Variants in ERCC3 observed in about 807,000 individuals in gnomAD.
ERCC3 encodes the protein ERCC excision repair 3, TFIIH core complex helicase subunit, also known as general transcription and DNA repair factor IIH helicase/translocase subunit XPB.
A neutral mutation model predicts 94.2 loss-of-function variants in ERCC3; 66 were observed. The ratio of observed to expected loss-of-function variants is 0.70; its 90% CI spans 0.57 to 0.86. ERCC3 has a LOEUF of 0.86. ERCC3 is among the 40% of genes least tolerant of loss of function. The probability of loss-of-function intolerance (pLI) is 0.00; values close to 1 mark genes in which losing one functional copy is unlikely to be tolerated. For synonymous variants in ERCC3, 349 were observed against 369.1 expected (o/e 0.95, Z 0.63); for missense variants, 829 against 987.1 (o/e 0.84, Z 2.15).
chr2:127,281,014 G>A (rs1684891381), intron 8 of ERCC3: 3 of 436,328 alleles, frequency 6.9e-6, no homozygotes, highest in Non-Finnish European at 4.0e-6. Context: ...AGGGTGAAAT[G>A]AGCTTAAGGA....
At position 127,271,732 on chromosome 2, in the gene ERCC3, G is replaced by A. The variant is rs116830331; in HGVS notation, c.1828-279C>T. The stretch of plus-strand genomic sequence containing the variant: ...CAGTGCTGGGTGCCAGGAGCCCAGA[G>A]ATGAGAGGGCCCTTGAACAGAGACT... On this transcript the variant is annotated intron_variant, in intron 11 of 14. Coordinates refer to ENST00000285398, the MANE Select transcript of ERCC3 (RefSeq NM_000122.2). The surrounding 1 kb of genome is among the most constrained non-coding windows in gnomAD (Gnocchi z 5.0). Among the ~76,000 whole-genome samples the A allele has an allele frequency of 2.3e-3, 354 of 152,266 alleles. 1 individual carries two copies. Among genetic ancestry groups the A allele is most frequent in the African/African-American group, 7.7e-3 (321 of 41,556 alleles).
In ERCC3 at chr2:127,261,175, G is replaced by A. The variant is rs999697428; in HGVS notation, c.2064+53C>T. On this transcript the variant is annotated intron_variant, in intron 13 of 14. Transcript: ENST00000285398. ...GGCCCTCGCTTCTCCTGGAGGCCAG[G>A]GTATCAAGAAGGCCTTGGTCCTAGT... 7 of 1,025,056 alleles carry A rather than the reference G, an allele frequency of 6.8e-6. No individual in the cohort carries two copies. The Admixed American group carries it at 8.4e-5, about 12-fold the overall frequency. 63.5% of individuals were successfully genotyped at this position (1,025,056 alleles called of 1,614,324 possible).
chr2:127,292,700 G>A lies in ERCC3; in HGVS notation c.381C>T (p.Val127=), dbSNP rs764471667. 1.2e-6 allele frequency: 2 copies of A among 1,614,156 alleles called. No homozygotes were observed. Among genetic ancestry groups the A allele is most frequent in the South Asian group, 2.2e-5 (2 of 91,082 alleles). The part of the protein sequence containing the change: ...KLTAYSLYAA[V]SVGLQTSDIT... The stretch of plus-strand genomic sequence containing the variant: ...TGTCACTGGTTTGCAGCCCAACGCT[G>A]ACAGCTGCATACAAGGAGTAGGCAG... Residue 127 remains valine, a synonymous_variant, in exon 3 of 15, where the codon GTC becomes GTT. Coordinates refer to ENST00000285398, the MANE Select transcript of ERCC3 (RefSeq NM_000122.2).
At chr2:127,289,610 T>G in intron 5 of ERCC3, 79 bp downstream of exon 5, 1 of 1,606,418 alleles carries the variant, frequency 6.2e-7, no homozygotes, top group Non-Finnish European at 8.5e-7. Flanking sequence ...AGGTTGTAAG[T>G]GCTGGGTTAA....
In ERCC3 at chr2:127,286,883, G is replaced by A. The variant is rs1055129064; in HGVS notation, c.1162C>T (p.Gln388Ter). The A allele has an allele frequency of 1.2e-6, 2 of 1,614,206 alleles. No individual in the cohort carries two copies. Among genetic ancestry groups the A allele is most frequent in the Admixed American group, 3.3e-5 (2 of 60,018 alleles). Residue 388 changes from glutamine (Q) to a stop codon, truncating the protein, a stop_gained, in exon 8 of 15, where the codon CAG becomes TAG. Transcript: ENST00000285398. LOFTEE classifies it high-confidence loss of function. ...FKMWSTIDDS[Q>*]ICRFTSDAKD... ...GCATCGGAGGTGAACCGGCAGATCTGGCTGTCGTCAATGGTGGACCACATC... is the reference window on the plus strand; with the variant it reads ...GCATCGGAGGTGAACCGGCAGATCTAGCTGTCGTCAATGGTGGACCACATC...
Position 127,288,686 on chromosome 2 carries a change from C to T in ERCC3, c.1001G>A (p.Arg334His), listed in dbSNP as rs1463378560. 9.3e-6 allele frequency: 15 copies of T among 1,614,150 alleles called. No homozygotes were observed. Among genetic ancestry groups the T allele is most frequent in the Admixed American group, 1.7e-5 (1 of 60,024 alleles). ...LRKMFGNGRARSGVIVLPCGA... is the reference protein window; with the variant it reads ...LRKMFGNGRAHSGVIVLPCGA... ...GCAGGGAAGAACAATGACCCCCGAA[C>T]GTGCACGCCCGTTTCCAAACATCTT... The change falls in exon 7 of 15, where the codon CGT (arginine) becomes CAT (histidine). Residue 334 changes from arginine to histidine, a missense_variant. Arg to His is a conservative substitution (Grantham distance 29). Transcript: ENST00000285398.
In ERCC3 at chr2:127,284,085, T is replaced by C. The variant is rs979637234; in HGVS notation, c.1342+2618A>G. ...GTGTCATTCTTGATTTCTCTCTGAT[T>C]CCACACCTGACCTGTCAATTAAAGC... On this transcript the variant is annotated intron_variant, in intron 8 of 14. Coordinates refer to ENST00000285398, the MANE Select transcript of ERCC3 (RefSeq NM_000122.2). This position sits in a 1 kb window ranked among gnomAD's most constrained non-coding sequence, Gnocchi z 4.1. The C allele has an allele frequency of 2.6e-5, 4 of 152,190 alleles. No individual in the cohort carries two copies. Among genetic ancestry groups the C allele is most frequent in the African/African-American group, 9.7e-5 (4 of 41,430 alleles). 9.4% of individuals were successfully genotyped at this position (152,190 alleles called of 1,614,324 possible).
At chr2:127,273,608 G>A (rs2104751592) in intron 10 of ERCC3, among the ~76,000 whole-genome samples, 1 of 152,014 alleles carries the variant, frequency 6.6e-6, no homozygotes, top group Middle Eastern at 3.4e-3. Flanking sequence ...AATTAGCCGA[G>A]TGTGGTGGCG....
intron 8 of ERCC3, among the ~76,000 whole-genome samples, chr2:127,282,818 C>T (rs1004035544): frequency 6.6e-6 from 1 of 152,204 alleles, no homozygotes; most frequent in Non-Finnish European, 1.5e-5. Context: ...AACTCACAGA[C>T]ATATGTGAGT....
In ERCC3 at chr2:127,286,741, C is replaced by G; in HGVS notation, c.1304G>C (p.Trp435Ser). Residue 435 changes from tryptophan to serine, a missense_variant, in exon 8 of 15, where the codon TGG becomes TCG. Physicochemically the swap from Trp to Ser is radical, Grantham distance 177. Transcript: ENST00000285398. The part of the protein sequence containing the change: ...RVMEWLKTQE[W>S]GLMILDEVHT... ...CACTTCATCCAGGATCATGAGGCCC[C>G]ACTCCTGGGTCTTGAGCCACTCCAT... 1 of 1,614,116 alleles carries G rather than the reference C, an allele frequency of 6.2e-7. No individual in the cohort carries two copies. Among genetic ancestry groups the G allele is most frequent in the Non-Finnish European group, 8.5e-7 (1 of 1,180,012 alleles).
In ERCC3 at chr2:127,289,441, CCTGTGGAT is replaced by C; in HGVS notation, c.710_717del (p.Asp237GlyfsTer2). 6.2e-7 allele frequency: 1 copy of C among 1,613,048 alleles called. No homozygotes were observed. Among genetic ancestry groups the C allele is most frequent in the Non-Finnish European group, 8.5e-7 (1 of 1,179,878 alleles). ...AGGTCCATGGGGATGTCAGATTTAC[CCTGTGGAT>C]CTGTCACTCGGGAAGTGGAGGGCCC... On this transcript the variant is annotated frameshift_variant, in exon 6 of 15. Coordinates refer to ENST00000285398, the MANE Select transcript of ERCC3 (RefSeq NM_000122.2). LOFTEE classifies it high-confidence loss of function.
intron 10 of ERCC3, among the ~76,000 whole-genome samples, chr2:127,275,448 C>T (rs555394241): frequency 6.2e-4 from 95 of 152,292 alleles, no homozygotes; most frequent in African/African-American, 2.3e-3. Flanking sequence ...TTCTAGTACA[C>T]AGGAGACAGC....
chr2:127,290,633 C>G (rs111822922), intron 3 of ERCC3: 2 of 337,676 alleles, frequency 5.9e-6, no homozygotes, highest in African/African-American at 4.2e-5. Flanking sequence ...ACAGTAATTG[C>G]GGCTTAAATA....
intron 12 of ERCC3, among the ~76,000 whole-genome samples, chr2:127,263,637 C>T (rs1419972156): frequency 1.3e-5 from 2 of 150,692 alleles, no homozygotes; most frequent in African/African-American, 4.9e-5. Flanking sequence ...CTAGACTGGT[C>T]TGAGTAGAAC....
At chr2:127,262,588 A>C (rs1684228491) in intron 12 of ERCC3, 1 of 152,256 alleles carries the variant, frequency 6.6e-6, no homozygotes, top group South Asian at 2.1e-4. Context: ...AATGTCCAGA[A>C]AAGGCCTACA....
chr2:127,268,357 A>G (rs1191089491), intron 12 of ERCC3, among the ~76,000 whole-genome samples: 1 of 151,968 alleles, frequency 6.6e-6, no homozygotes, highest in African/African-American at 2.4e-5. Context: ...CTCCCAGACT[A>G]AAGCGATTCT....
At chr2:127,270,841 T>C (rs1296090716) in intron 12 of ERCC3, among the ~76,000 whole-genome samples, 1 of 152,220 alleles carries the variant, frequency 6.6e-6, no homozygotes, top group East Asian at 1.9e-4. Flanking sequence ...CCTCACTCAC[T>C]GAGCTTGCCC....
chr2:127,266,262 T>C (rs1684357342), intron 12 of ERCC3, among the ~76,000 whole-genome samples: 1 of 150,094 alleles, frequency 6.7e-6, no homozygotes, highest in African/African-American at 2.5e-5. Flanking sequence ...CTGGTACTGA[T>C]TTCTACTTTT....
rs1685189831 is a variant in ERCC3, at chr2:127,289,425, G to T, written c.734C>A (p.Pro245His). The T allele has an allele frequency of 6.2e-7, 1 of 1,613,186 alleles. No individual in the cohort carries two copies. Residue 245 changes from proline to histidine, a missense_variant, in exon 6 of 15, where the codon CCC becomes CAC. Physicochemically the swap from Pro to His is moderately conservative, Grantham distance 77. Coordinates refer to ENST00000285398, the MANE Select transcript of ERCC3 (RefSeq NM_000122.2). ...VTDPQGKSDI[P>H]MDLFDFYEQM... The stretch of plus-strand genomic sequence containing the variant: ...CTCATAGAAGTCAAACAGGTCCATG[G>T]GGATGTCAGATTTACCCTGTGGATC...
Sources: gnomAD v4.1 joint callset for allele counts (sites outside exome capture counted in the v4.1 genomes callset) on GRCh38, gnomAD v4.1.1 for gene constraint, Gnocchi (gnomAD v3.1) non-coding constraint, MANE v1.5 for transcripts, NCBI Gene and HGNC (gene_info 2026-07-23, HGNC 2026-07-21) for gene names.